EXOC6B: variants seen among roughly 807,000 people sequenced by gnomAD.
The protein encoded by EXOC6B is SEC15 homolog B.
A neutral mutation model predicts 113.5 loss-of-function variants in EXOC6B; 54 were observed. The observed-to-expected ratio is 0.48, with a 90% CI of 0.38 to 0.60. The LOEUF (loss-of-function observed/expected upper bound fraction) is 0.60. Among genes scored for constraint, EXOC6B ranks in the 20% least tolerant of loss-of-function variants. The probability of loss-of-function intolerance (pLI) is 0.00; values close to 1 mark genes in which losing one functional copy is unlikely to be tolerated. For missense variants in EXOC6B, 797 were observed against 977.5 expected, an observed-to-expected ratio of 0.82 and a Z score of 2.46; for synonymous variants, 357 against 339.0, an observed-to-expected ratio of 1.05 and a Z score of -0.58.
At chr2:72,634,287 A>T (rs1348059707) in intron 6 of EXOC6B, among the ~76,000 whole-genome samples, 2 of 152,190 alleles carry the variant, frequency 1.3e-5, no homozygotes, top group Admixed American at 1.3e-4. Flanking sequence ...AGCTGTAAAA[A>T]ATGCTAATGA....
intron 17 of EXOC6B, among the ~76,000 whole-genome samples, chr2:72,468,013 C>T (rs924233310): frequency 1.3e-5 from 2 of 152,138 alleles, no homozygotes; most frequent in East Asian, 1.9e-4. Flanking sequence ...TCAAGTGATT[C>T]GCCTGCCTCA....
chr2:72,787,347 G>T (rs958641025), intron 1 of EXOC6B, among the ~76,000 whole-genome samples: 1 of 151,840 alleles, frequency 6.6e-6, no homozygotes, highest in African/African-American at 2.4e-5. Flanking sequence ...AAGTAGCTGA[G>T]ATTATAAGCA....
At chr2:72,794,093 G>A (rs899994233) in intron 1 of EXOC6B, among the ~76,000 whole-genome samples, 1 of 152,180 alleles carries the variant, frequency 6.6e-6, no homozygotes, top group African/African-American at 2.4e-5. Context: ...ATGTTTTTCA[G>A]TACACTCACA....
At chr2:72,423,890 A>G (rs1200546593) in intron 18 of EXOC6B, among the ~76,000 whole-genome samples, 7 of 152,212 alleles carry the variant, frequency 4.6e-5, no homozygotes, top group Non-Finnish European at 8.8e-5. Context: ...TTATTTCTTC[A>G]TTACACATTA....
At chr2:72,298,705 C>T (rs1686307694) in intron 20 of EXOC6B, among the ~76,000 whole-genome samples, 1 of 152,150 alleles carries the variant, frequency 6.6e-6, no homozygotes, top group Non-Finnish European at 1.5e-5. Context: ...TCAGCATTTG[C>T]TTGTCTGTAA....
At chr2:72,593,394 A>G (rs1048731767) in intron 6 of EXOC6B, among the ~76,000 whole-genome samples, 2 of 152,116 alleles carry the variant, frequency 1.3e-5, no homozygotes, top group African/African-American at 4.8e-5. Context: ...GCAGTATTGT[A>G]GGACTGAGTC....
chr2:72,198,033 T>A (rs1412740441), intron 20 of EXOC6B, among the ~76,000 whole-genome samples: 1 of 152,178 alleles, frequency 6.6e-6, no homozygotes, highest in African/African-American at 2.4e-5. Flanking sequence ...GCCTCTCACA[T>A]TCCCAGAGCG....
chr2:72,721,750 A>G (rs550218662), intron 5 of EXOC6B: 1 of 152,116 alleles, frequency 6.6e-6, no homozygotes, highest in Non-Finnish European at 1.5e-5. Context: ...AGGCTAATAA[A>G]ATAGCAAAAT....
chr2:72,296,207 T>C (rs1047480302), intron 20 of EXOC6B, among the ~76,000 whole-genome samples: 4 of 152,178 alleles, frequency 2.6e-5, no homozygotes, highest in African/African-American at 9.6e-5. Flanking sequence ...TGGCAGTTTC[T>C]AATATAAAAC....
At position 72,252,484 on chromosome 2, in the gene EXOC6B, A is replaced by G. The variant is rs368367580; in HGVS notation, c.2197-68297T>C. ...TGAGACTCTGTCACAAAAAACAAAC[A>G]AACAAACAAACAAACAAAAAACAGA... On this transcript the variant is annotated intron_variant, in intron 20 of 21. Transcript: ENST00000272427. Among the ~76,000 whole-genome samples the G allele has an allele frequency of 1.2e-4, 19 of 152,242 alleles. 1 individual carries two copies. Among genetic ancestry groups the G allele is most frequent in the African/African-American group, 4.6e-4 (19 of 41,558 alleles).
At chr2:72,604,587 C>T (rs1223980975) in intron 6 of EXOC6B, among the ~76,000 whole-genome samples, 1 of 152,102 alleles carries the variant, frequency 6.6e-6, no homozygotes, top group African/African-American at 2.4e-5. Flanking sequence ...AGTTATAAAT[C>T]CCAGAGAGTG....
intron 18 of EXOC6B, among the ~76,000 whole-genome samples, chr2:72,456,025 G>C (rs1325055584): frequency 1.3e-5 from 2 of 152,074 alleles, no homozygotes; most frequent in Non-Finnish European, 2.9e-5. Context: ...GCAAGACCCT[G>C]TTAGGCCTCA....
At chr2:72,651,895 T>C (rs1674194047) in intron 6 of EXOC6B, among the ~76,000 whole-genome samples, 1 of 152,122 alleles carries the variant, frequency 6.6e-6, no homozygotes, top group East Asian at 1.9e-4. Context: ...TTACTGAGCC[T>C]AAAAAGATTT....
chr2:72,664,537 T>C lies in EXOC6B; in HGVS notation c.669+53566A>G, dbSNP rs554957131. The stretch of plus-strand genomic sequence containing the variant: ...TCTCCCTGGAGAATAGGCAGAGGCA[T>C]AACTCCAACCTGAGCAGAGCCCAGG... On this transcript the variant is annotated intron_variant, in intron 6 of 21. Coordinates refer to ENST00000272427, the MANE Select transcript of EXOC6B (RefSeq NM_015189.3). 2.6e-5 allele frequency among the ~76,000 whole-genome samples: 4 copies of C among 152,304 alleles called. No individual in the cohort carries two copies. The South Asian group carries it at 8.3e-4, about 32-fold the overall frequency.
chr2:72,504,795 T>C (rs994231661), intron 11 of EXOC6B, among the ~76,000 whole-genome samples: 1 of 152,332 alleles, frequency 6.6e-6, no homozygotes. Context: ...ACATTAGTAC[T>C]GTTAATTCTT....
In EXOC6B at chr2:72,514,644, G is replaced by T; in HGVS notation, c.1036C>A (p.Gln346Lys). The change falls in exon 10 of 22, where the codon CAA becomes AAA. Residue 346 changes from glutamine to lysine, a missense_variant. Gln to Lys is a moderately conservative substitution (Grantham distance 53). Transcript: ENST00000272427. ...TATATATATACCTACCCTACAATTTGATTAAAATACTTCCTGTAGCCATCT... is the reference window on the plus strand; with the variant it reads ...TATATATATACCTACCCTACAATTTTATTAAAATACTTCCTGTAGCCATCT... ...TLDGYRKYFN[Q>K]IVGFFVVEDH... 1 of 1,205,928 alleles carries T rather than the reference G, an allele frequency of 8.3e-7. No individual in the cohort carries two copies. Among genetic ancestry groups the T allele is most frequent in the Non-Finnish European group, 1.1e-6 (1 of 875,760 alleles). The allele number at this position is 1,205,928 out of a possible 1,614,324, so 74.7% of individuals were successfully genotyped here.
intron 1 of EXOC6B, among the ~76,000 whole-genome samples, chr2:72,759,648 A>G (rs898244601): frequency 6.6e-6 from 1 of 152,174 alleles, no homozygotes; most frequent in Non-Finnish European, 1.5e-5. Flanking sequence ...AACCCAAAAA[A>G]CTCTAGAATC....
intron 6 of EXOC6B, among the ~76,000 whole-genome samples, chr2:72,605,489 GT>G (rs1670700277): frequency 6.6e-6 from 1 of 152,088 alleles, no homozygotes; most frequent in Non-Finnish European, 1.5e-5. Flanking sequence ...CATTTTATAA[GT>G]TTATACTAGT....
At chr2:72,711,096 A>G (rs1453990577) in intron 6 of EXOC6B, among the ~76,000 whole-genome samples, 1 of 152,190 alleles carries the variant, frequency 6.6e-6, no homozygotes, top group Non-Finnish European at 1.5e-5. Flanking sequence ...TCTCCTGTAC[A>G]AATCAATTCC....
Sources: gnomAD v4.1 joint callset for allele counts (sites outside exome capture counted in the v4.1 genomes callset) on GRCh38, gnomAD v4.1.1 for gene constraint, MANE v1.5 for transcripts, NCBI Gene and HGNC (gene_info 2026-07-23, HGNC 2026-07-21) for gene names.